Variants in EXOC6 observed in about 807,000 individuals in gnomAD.
EXOC6 encodes the protein exocyst complex component 6.
In EXOC6, 60 loss-of-function variants were observed where a neutral mutation model predicts 112.5. That is an observed-to-expected ratio of 0.53 (90% CI 0.43 to 0.66). EXOC6 has a LOEUF of 0.66. Among genes scored for constraint, EXOC6 ranks in the 30% least tolerant of loss-of-function variants. The probability of loss-of-function intolerance (pLI) is 0.00; values close to 1 mark genes in which losing one functional copy is unlikely to be tolerated. For missense variants in EXOC6, 855 were observed against 957.1 expected (o/e 0.89, Z 1.41); for synonymous variants, 295 against 308.0 (o/e 0.96, Z 0.44).
At chr10:92,958,989 G>T (rs1468304800) in intron 17 of EXOC6, among the ~76,000 whole-genome samples, 1 of 152,106 alleles carries the variant, frequency 6.6e-6, no homozygotes, top group Non-Finnish European at 1.5e-5. Flanking sequence ...AGCTACTCGG[G>T]AGGCTGAGGC....
chr10:92,835,145 C>T (rs1399063793), intron 1 of EXOC6, among the ~76,000 whole-genome samples: 2 of 152,100 alleles, frequency 1.3e-5, no homozygotes, highest in Non-Finnish European at 2.9e-5. Flanking sequence ...TAGTGAAAAA[C>T]ATTCAGAACA....
At chr10:92,975,889 C>T (rs1417606874) in intron 18 of EXOC6, among the ~76,000 whole-genome samples, 1 of 139,206 alleles carries the variant, frequency 7.2e-6, no homozygotes, top group African/African-American at 2.7e-5. Flanking sequence ...GCCCCTCTGC[C>T]TGGCCAGCCG....
At chr10:93,027,571 A>G (rs1845085146) in intron 20 of EXOC6, among the ~76,000 whole-genome samples, 1 of 152,244 alleles carries the variant, frequency 6.6e-6, no homozygotes, top group African/African-American at 2.4e-5. Flanking sequence ...AGTTGAAGCC[A>G]GTATTCAATG....
chr10:92,830,088 C>T (rs139287932), upstream of EXOC6, among the ~76,000 whole-genome samples: 482 of 152,340 alleles, frequency 3.2e-3, 7 homozygotes, highest in African/African-American at 0.011. Context: ...ACCCATGCCA[C>T]TGCTCTGCCT....
chr10:92,837,585 C>G (rs1420626827), intron 1 of EXOC6, among the ~76,000 whole-genome samples: 2 of 152,144 alleles, frequency 1.3e-5, no homozygotes, highest in Non-Finnish European at 2.9e-5. Flanking sequence ...CTCACTTGAG[C>G]CCAGGAAGTC....
chr10:92,848,559 G>C lies in EXOC6; in HGVS notation c.26G>C (p.Gly9Ala). The C allele has an allele frequency of 1.4e-6, 2 of 1,446,892 alleles. No homozygotes were observed. The highest frequency in any genetic ancestry group is 1.8e-6 in the Non-Finnish European group (2 of 1,082,358). The allele number at this position is 1,446,892 out of a possible 1,614,324, so 89.6% of individuals were successfully genotyped here. MAENSESLGTVPEHERILQ... is the reference protein window; with the variant it reads MAENSESLATVPEHERILQ... The stretch of plus-strand genomic sequence containing the variant: ...ATGGCGGAGAACAGCGAGAGTCTGG[G>C]CACCGTCCCCGAGCACGAGCGGATC... Residue 9 changes from glycine to alanine, a missense_variant, in exon 1 of 22, where the codon GGC becomes GCC. Transcript: ENST00000260762.
intron 18 of EXOC6, among the ~76,000 whole-genome samples, chr10:92,992,416 C>A (rs1843306692): frequency 6.6e-6 from 1 of 151,448 alleles, no homozygotes; most frequent in Admixed American, 6.6e-5. Flanking sequence ...GAGAATCAGA[C>A]ATTTCAGTGT....
chr10:92,973,079 CT>C (rs1172063435), intron 17 of EXOC6, among the ~76,000 whole-genome samples: 1 of 152,196 alleles, frequency 6.6e-6, no homozygotes, highest in East Asian at 1.9e-4. Context: ...TTTTTGACAG[CT>C]GCCCCTGGGG....
At chr10:93,002,721 C>A (rs2134196902) in intron 19 of EXOC6, among the ~76,000 whole-genome samples, 1 of 152,312 alleles carries the variant, frequency 6.6e-6, no homozygotes, top group Admixed American at 6.5e-5. Flanking sequence ...ATGTTATGAG[C>A]AGCTTCTGTC....
chr10:92,957,760 A>T (rs1325705142), intron 17 of EXOC6, among the ~76,000 whole-genome samples: 1 of 152,140 alleles, frequency 6.6e-6, no homozygotes, highest in Non-Finnish European at 1.5e-5. Context: ...TGATAAGGGG[A>T]AGCATTTCAA....
intron 20 of EXOC6, among the ~76,000 whole-genome samples, chr10:93,043,560 C>T (rs1043455139): frequency 6.6e-6 from 1 of 152,070 alleles, no homozygotes; most frequent in African/African-American, 2.4e-5. Context: ...TGAGTTTTTT[C>T]TGATGGCCTA....
In EXOC6 at chr10:92,880,924, A is replaced by T. The variant is rs80000033; in HGVS notation, c.102-12425A>T. ...AATACTATTTTAAATATTTTATGCAAATTTCCAAGTAACTTGTATTCTACA... is the reference window on the plus strand; with the variant it reads ...AATACTATTTTAAATATTTTATGCATATTTCCAAGTAACTTGTATTCTACA... On this transcript the variant is annotated intron_variant, in intron 1 of 21. Transcript: ENST00000260762. 3.9e-3 allele frequency among the ~76,000 whole-genome samples: 591 copies of T among 152,320 alleles called. 4 individuals carry two copies. Among genetic ancestry groups the T allele is most frequent in the African/African-American group, 0.013 (544 of 41,564 alleles).
At chr10:92,978,037 A>G (rs534535693) in intron 18 of EXOC6, among the ~76,000 whole-genome samples, 1 of 152,336 alleles carries the variant, frequency 6.6e-6, no homozygotes, top group African/African-American at 2.4e-5. Flanking sequence ...AAGGAAATAA[A>G]TTTTTATAGA....
chr10:92,870,861 C>T (rs1381186698), intron 1 of EXOC6, among the ~76,000 whole-genome samples: 1 of 152,058 alleles, frequency 6.6e-6, no homozygotes, highest in East Asian at 1.9e-4. Flanking sequence ...AGGCATGCGC[C>T]ACCACGCCCA....
intron 1 of EXOC6, among the ~76,000 whole-genome samples, chr10:92,850,448 A>G (rs1010411417): frequency 6.6e-6 from 1 of 152,228 alleles, no homozygotes; most frequent in East Asian, 1.9e-4. Flanking sequence ...CTTTTTGCAC[A>G]CATATAGAGG....
intron 18 of EXOC6, among the ~76,000 whole-genome samples, chr10:92,979,486 A>G (rs184434925): frequency 7.6e-4 from 115 of 152,304 alleles, no homozygotes; most frequent in African/African-American, 2.7e-3. Flanking sequence ...ATAGATAATG[A>G]TGGTTTTGAT....
intron 20 of EXOC6, among the ~76,000 whole-genome samples, chr10:93,023,301 A>G (rs557219545): frequency 3.3e-5 from 5 of 152,308 alleles, no homozygotes; most frequent in African/African-American, 1.2e-4. Flanking sequence ...AGTTAGAACC[A>G]TATCAAAGCT....
At chr10:92,982,751 T>A (rs1304468771) in intron 18 of EXOC6, among the ~76,000 whole-genome samples, 9 of 152,228 alleles carry the variant, frequency 5.9e-5, no homozygotes, top group African/African-American at 2.2e-4. Context: ...AAGGTGTTTC[T>A]CTTTTCAGGT....
intron 12 of EXOC6, among the ~76,000 whole-genome samples, chr10:92,939,572 G>GA (rs1852542519): frequency 2.0e-5 from 3 of 152,010 alleles, no homozygotes; most frequent in Admixed American, 6.6e-5. Flanking sequence ...CTTGCTGGCT[G>GA]AATGACTGGA....
Sources: gnomAD v4.1 joint callset for allele counts (sites outside exome capture counted in the v4.1 genomes callset) on GRCh38, gnomAD v4.1.1 for gene constraint, MANE v1.5 for transcripts, NCBI Gene and HGNC (gene_info 2026-07-23, HGNC 2026-07-21) for gene names.